The following SLC38A3 variants were observed in gnomAD, a reference collection of about 807,000 sequenced individuals.
The protein encoded by SLC38A3 is sodium-coupled neutral amino acid transporter 3.
SLC38A3 carries 17 observed loss-of-function variants against 59.5 expected under a neutral mutation model. The observed-to-expected ratio is 0.29, with a 90% confidence interval of 0.20 to 0.43. The LOEUF (loss-of-function observed/expected upper bound fraction) is 0.43, where lower values mean the gene tolerates loss of function less well. Ranked by LOEUF, SLC38A3 falls within the 20% of genes least tolerant of loss-of-function variation. The pLI is 1.00. For synonymous variants in SLC38A3, 238 were observed against 260.3 expected (o/e 0.91, Z 0.82); for missense variants, 454 against 653.9 (o/e 0.69, Z 3.33).
chr3:50,218,502 C>A lies in SLC38A3; in HGVS notation c.1037-91C>A. Reference sequence around the variant, plus strand: ...GCCGCTGTGGAGGTGAGTCTGCATGCCAATCCCCACAGTGTTGGGGTCCCC... The same window carrying A: ...GCCGCTGTGGAGGTGAGTCTGCATGACAATCCCCACAGTGTTGGGGTCCCC... On this transcript the variant is annotated intron_variant, in intron 12 of 15. Transcript: ENST00000614032. This position sits in a 1 kb window ranked among gnomAD's most constrained non-coding sequence, Gnocchi z 5.8. The A allele has an allele frequency of 6.3e-7, 1 of 1,582,870 alleles. No homozygotes were observed. The highest frequency in any genetic ancestry group is 8.6e-7 in the Non-Finnish European group (1 of 1,160,978).
At chr3:50,209,676 A>G in intron 1 of SLC38A3, among the ~76,000 whole-genome samples, 1 of 151,884 alleles carries the variant, frequency 6.6e-6, no homozygotes, top group Admixed American at 6.6e-5. Context: ...AAAAAAAAGA[A>G]AATGTACCCG....
rs1000643430 is a variant in SLC38A3, at chr3:50,214,933, A to G, written c.299+165A>G. 1.1e-5 allele frequency: 7 copies of G among 639,854 alleles called. No homozygotes were observed. The highest frequency in any genetic ancestry group is 3.6e-5 in the South Asian group (2 of 55,998). 39.6% of individuals were successfully genotyped at this position (639,854 alleles called of 1,614,324 possible). ...GAAAAAAACATCCACAGCCAAACAAATATACCTCACTGCCCAGTAAACCGA... is the reference window on the plus strand; with the variant it reads ...GAAAAAAACATCCACAGCCAAACAAGTATACCTCACTGCCCAGTAAACCGA... On this transcript the variant is annotated intron_variant, in intron 4 of 15. Transcript: ENST00000614032. The surrounding 1 kb of genome is among the most constrained non-coding windows in gnomAD (Gnocchi z 6.0).
chr3:50,206,011 G>A (rs748587313), intron 1 of SLC38A3, among the ~76,000 whole-genome samples: 11 of 152,242 alleles, frequency 7.2e-5, no homozygotes, highest in Non-Finnish European at 1.6e-4. Flanking sequence ...CCGGGGCGCC[G>A]TGCGAGCTCC....
In SLC38A3 at chr3:50,217,814, C is replaced by CT; in HGVS notation, c.829_830insT (p.Pro277LeufsTer33). The CT allele has an allele frequency of 6.2e-7, 1 of 1,614,070 alleles. No homozygotes were observed. The highest frequency in any genetic ancestry group is 8.5e-7 in the Non-Finnish European group (1 of 1,179,914). ...GCCTGAGGCTTCAGCCTTCTGCACTCCCAGCTACTTCACGCTCAACTCACA... is the reference window on the plus strand; with the variant it reads ...GCCTGAGGCTTCAGCCTTCTGCACTCTCCAGCTACTTCACGCTCAACTCACA... On this transcript the variant is annotated frameshift_variant, in exon 10 of 16. Transcript: ENST00000614032. LOFTEE classifies it high-confidence loss of function. The surrounding 1 kb of genome is among the most constrained non-coding windows in gnomAD (Gnocchi z 4.9).
intron 1 of SLC38A3, among the ~76,000 whole-genome samples, chr3:50,209,362 G>A (rs1699691678): frequency 6.6e-6 from 1 of 151,980 alleles, no homozygotes; most frequent in Non-Finnish European, 1.5e-5. Context: ...AACGTACCTG[G>A]CCATGGCCGG....
chr3:50,213,549 C>A (rs1208496018), intron 1 of SLC38A3, among the ~76,000 whole-genome samples: 1 of 152,208 alleles, frequency 6.6e-6, no homozygotes, highest in Non-Finnish European at 1.5e-5. Flanking sequence ...CCTGCCGTTC[C>A]CAGCGCCAGC....
In SLC38A3 at chr3:50,217,428, C is replaced by T; in HGVS notation, c.645C>T (p.Tyr215=). The T allele has an allele frequency of 6.2e-7, 1 of 1,613,494 alleles. No individual in the cohort carries two copies. Among genetic ancestry groups the T allele is most frequent in the South Asian group, 1.1e-5 (1 of 90,940 alleles). Residue 215 remains tyrosine, a synonymous_variant, in exon 9 of 16, where the codon TAC becomes TAT. Coordinates refer to ENST00000614032, the MANE Select transcript of SLC38A3 (RefSeq NM_006841.6). The surrounding 1 kb of genome is among the most constrained non-coding windows in gnomAD (Gnocchi z 4.9). ...ALMRQLGYLG[Y]SSGFSLSCMV... ...TCCACTTTGCAGGCTACCTGGGCTA[C>T]TCCAGCGGCTTCTCTCTTAGCTGCA...
chr3:50,214,730 C>A lies in SLC38A3; in HGVS notation c.261C>A (p.Leu87=). The A allele has an allele frequency of 6.2e-7, 1 of 1,613,292 alleles. No homozygotes were observed. The highest frequency in any genetic ancestry group is 8.5e-7 in the Non-Finnish European group (1 of 1,179,494). ...TCATGGGCAGCGGCATCCTGGGACTCGCCTATGCCATGGCCAATACGGGCA... is the reference window on the plus strand; with the variant it reads ...TCATGGGCAGCGGCATCCTGGGACTAGCCTATGCCATGGCCAATACGGGCA... ...NAIMGSGILG[L]AYAMANTGII... Residue 87 remains leucine, a synonymous_variant, in exon 4 of 16, where the codon CTC becomes CTA. Coordinates refer to ENST00000614032, the MANE Select transcript of SLC38A3 (RefSeq NM_006841.6). This position sits in a 1 kb window ranked among gnomAD's most constrained non-coding sequence, Gnocchi z 6.0.
In SLC38A3 at chr3:50,215,460, G is replaced by C; in HGVS notation, c.373+1G>C. 1 of 1,613,974 alleles carries C rather than the reference G, an allele frequency of 6.2e-7. No individual in the cohort carries two copies. The highest frequency in any genetic ancestry group is 8.5e-7 in the Non-Finnish European group (1 of 1,179,870). On this transcript the variant is annotated splice_donor_variant, in intron 5 of 15. Transcript: ENST00000614032. LOFTEE classifies it high-confidence loss of function. This position sits in a 1 kb window ranked among gnomAD's most constrained non-coding sequence, Gnocchi z 7.1. ...CTACTCAAGTCCTCAGGGGTCGTGG[G>C]TGAGCCTCACACCAGCCTGGAATGG...
Position 50,217,505 on chromosome 3 carries a change from G to T in SLC38A3, c.690+32G>T. The T allele has an allele frequency of 3.7e-6, 6 of 1,608,054 alleles. No homozygotes were observed. Among genetic ancestry groups the T allele is most frequent in the Non-Finnish European group, 5.1e-6 (6 of 1,176,842 alleles). On this transcript the variant is annotated intron_variant, in intron 9 of 15. Transcript: ENST00000614032. The surrounding 1 kb of genome is among the most constrained non-coding windows in gnomAD (Gnocchi z 4.9). ...CACCCTCCATGTTGGCTGAGAAAGCGGGCAGCGGGTCTCCTGGGGGAGTTC... is the reference window on the plus strand; with the variant it reads ...CACCCTCCATGTTGGCTGAGAAAGCTGGCAGCGGGTCTCCTGGGGGAGTTC...
rs756673732 is a variant in SLC38A3, at chr3:50,217,258, A to G, written c.569A>G (p.Asn190Ser). ...EKTSDWYMNG[N>S]YLVILVSVTI... is the part of the protein sequence containing the mutation. ...TGCAGGGACTGGTACATGAACGGGA[A>G]CTACCTGGTAATCCTTGTCTCTGTC... Residue 190 changes from asparagine to serine, a missense_variant, in exon 8 of 16, where the codon AAC becomes AGC. Physicochemically the swap from Asn to Ser is conservative, Grantham distance 46. Transcript: ENST00000614032. The surrounding 1 kb of genome is among the most constrained non-coding windows in gnomAD (Gnocchi z 4.9). 24 of 1,613,116 alleles carry G rather than the reference A, an allele frequency of 1.5e-5. No homozygotes were observed. The East Asian group carries it at 2.0e-4, about 13-fold the overall frequency.
chr3:50,219,993 GGC>G lies in SLC38A3; in HGVS notation c.1410+10_1410+11del, dbSNP rs2099841843. 1.9e-6 allele frequency: 3 copies of G among 1,608,902 alleles called. No homozygotes were observed. The African/African-American group carries it at 4.0e-5, about 22-fold the overall frequency. ...CCACCCCCAAAATCCTGGTGCGAGG[GGC>G]CTGGAGGCCGGTGGGCTGGTATGGG... On this transcript the variant is annotated intron_variant, in intron 15 of 15. Coordinates refer to ENST00000614032, the MANE Select transcript of SLC38A3 (RefSeq NM_006841.6).
Position 50,217,794 on chromosome 3 carries a change from A to C in SLC38A3, c.809A>C (p.Glu270Ala), listed in dbSNP as rs1575426904. 1 of 1,614,050 alleles carries C rather than the reference A, an allele frequency of 6.2e-7. No homozygotes were observed. The highest frequency in any genetic ancestry group is 8.5e-7 in the Non-Finnish European group (1 of 1,179,896). The change falls in exon 10 of 16, where the codon GAG becomes GCG. Residue 270 changes from glutamate to alanine, a missense_variant. Transcript: ENST00000614032. This position sits in a 1 kb window ranked among gnomAD's most constrained non-coding sequence, Gnocchi z 4.9. ...AAGGTGCAGCTGCAGGTCGAGCCTG[A>C]GGCTTCAGCCTTCTGCACTCCCAGC... is the stretch of plus-strand genomic sequence containing the variant. ...KEKVQLQVEP[E>A]ASAFCTPSYF...
chr3:50,214,340 CAGGGCAGGGAT>C lies in SLC38A3; in HGVS notation c.101+42_102-50del, dbSNP rs760289657. The C allele has an allele frequency of 6.2e-7, 1 of 1,609,748 alleles. No homozygotes were observed. The highest frequency in any genetic ancestry group is 2.2e-5 in the East Asian group (1 of 44,810). On this transcript the variant is annotated intron_variant, in intron 2 of 15. Coordinates refer to ENST00000614032, the MANE Select transcript of SLC38A3 (RefSeq NM_006841.6). The surrounding 1 kb of genome is among the most constrained non-coding windows in gnomAD (Gnocchi z 6.0). ...GACCCAGTGGTGGCTGAAGACAGGG[CAGGGCAGGGAT>C]ACAGAGCAAAGGGCTGGAGCTGAGC...
rs901823842 is a variant in SLC38A3 at position 50,217,141 on chromosome 3, C to T, written c.549-97C>T. On this transcript the variant is annotated intron_variant, in intron 7 of 15. Coordinates refer to ENST00000614032, the MANE Select transcript of SLC38A3 (RefSeq NM_006841.6). This position sits in a 1 kb window ranked among gnomAD's most constrained non-coding sequence, Gnocchi z 4.9. Reference sequence around the variant, plus strand: ...GTGGACAAACATTCTTCAGATGTCACTCAGTGGCACCATTGGTAACTCCAG... The same window carrying T: ...GTGGACAAACATTCTTCAGATGTCATTCAGTGGCACCATTGGTAACTCCAG... 53 of 768,664 alleles carry T rather than the reference C, an allele frequency of 6.9e-5. No homozygotes were observed. Among genetic ancestry groups the T allele is most frequent in the East Asian group, 1.3e-4 (5 of 37,184 alleles). 47.6% of individuals were successfully genotyped at this position (768,664 alleles called of 1,614,324 possible).
Position 50,217,774 on chromosome 3 carries a change from G to A in SLC38A3, c.789G>A (p.Val263=), listed in dbSNP as rs1699839621. 1 of 1,613,940 alleles carries A rather than the reference G, an allele frequency of 6.2e-7. No homozygotes were observed. The highest frequency in any genetic ancestry group is 8.5e-7 in the Non-Finnish European group (1 of 1,179,856). ...ACGTGGAGATCGTGAAGGAGAAGGT[G>A]CAGCTGCAGGTCGAGCCTGAGGCTT... ...FSHVEIVKEK[V]QLQVEPEASA... The change falls in exon 10 of 16, where the codon GTG becomes GTA. Residue 263 remains valine (V), a synonymous_variant. Transcript: ENST00000614032. This position sits in a 1 kb window ranked among gnomAD's most constrained non-coding sequence, Gnocchi z 4.9.
intron 7 of SLC38A3, among the ~76,000 whole-genome samples, chr3:50,216,934 G>A (rs587696995): frequency 9.2e-5 from 14 of 152,098 alleles, no homozygotes; most frequent in Non-Finnish European, 1.6e-4. Context: ...CACCATGCCC[G>A]GCTAATTTTT....
chr3:50,220,260 C>CG lies in SLC38A3; in HGVS notation c.*88dup. On this transcript the variant is annotated 3_prime_UTR_variant, in exon 16 of 16. Coordinates refer to ENST00000614032, the MANE Select transcript of SLC38A3 (RefSeq NM_006841.6). ...CCCCTGCTCCCATCCAGTGGCCAGT[C>CG]GGGGGAGGAGAAAGACGCGATTAAC... The CG allele has an allele frequency of 9.6e-7, 1 of 1,045,546 alleles. No homozygotes were observed. The highest frequency in any genetic ancestry group is 2.6e-5 in the East Asian group (1 of 38,568). 64.8% of individuals were successfully genotyped at this position (1,045,546 alleles called of 1,614,324 possible).
At chr3:50,211,966 G>T (rs554934720) in intron 1 of SLC38A3, among the ~76,000 whole-genome samples, 1 of 152,284 alleles carries the variant, frequency 6.6e-6, no homozygotes, top group Non-Finnish European at 1.5e-5. Flanking sequence ...AGTGATGAGG[G>T]TGCTATCTGG....
Sources: allele counts gnomAD v4.1 joint callset (sites outside exome capture counted in the v4.1 genomes callset), GRCh38; gene constraint gnomAD v4.1.1; non-coding constraint Gnocchi (gnomAD v3.1); transcripts MANE v1.5; gene names NCBI Gene and HGNC (gene_info 2026-07-23, HGNC 2026-07-21).